Variants in TTLL1 observed in about 807,000 individuals in gnomAD.
The protein encoded by TTLL1 is polyglutamylase complex subunit TTLL1.
In TTLL1, 33 loss-of-function variants were observed where a neutral mutation model predicts 47.8. That is an observed-to-expected ratio of 0.69 (90% confidence interval 0.52 to 0.92). The LOEUF is 0.92. TTLL1 is among the 40% of genes least tolerant of loss of function. TTLL1 has a pLI of 0.00. For synonymous variants in TTLL1, 225 were observed against 214.1 expected, an observed-to-expected ratio of 1.05 and a Z score of -0.45; for missense variants, 488 against 547.5, an observed-to-expected ratio of 0.89 and a Z score of 1.08.
chr22:43,069,115 G>A (rs1386143563), intron 4 of TTLL1, among the ~76,000 whole-genome samples: 4 of 150,470 alleles, frequency 2.7e-5, no homozygotes, highest in South Asian at 2.1e-4. Flanking sequence ...GGTGGCTCAC[G>A]TCTATAATCC....
chr22:43,043,032 T>A (rs899875312), intron 10 of TTLL1, among the ~76,000 whole-genome samples: 3 of 149,924 alleles, frequency 2.0e-5, no homozygotes, highest in Non-Finnish European at 3.0e-5. Flanking sequence ...CTCCGCCTCC[T>A]GGGTTCAAGC....
At chr22:43,058,215 A>G (rs1193016291) in intron 8 of TTLL1, among the ~76,000 whole-genome samples, 1 of 152,116 alleles carries the variant, frequency 6.6e-6, no homozygotes, top group Non-Finnish European at 1.5e-5. Context: ...AAGTGCTGGG[A>G]TTACAGGTGT....
chr22:43,058,901 C>T (rs983577955), intron 8 of TTLL1, among the ~76,000 whole-genome samples: 2 of 152,050 alleles, frequency 1.3e-5, no homozygotes, highest in Non-Finnish European at 2.9e-5. Context: ...TCACCGTGTC[C>T]AGGCTGGTCT....
rs563979087 is a variant in TTLL1 at position 43,044,160 on chromosome 22, G to A, written c.1142+2250C>T. ...CCCCGCTGCCCTCTGTCTTGCCATC[G>A]CAAGCTCCCAATCCTGGTCCCTCCC... On this transcript the variant is annotated intron_variant, in intron 10 of 10. Coordinates refer to ENST00000266254, the MANE Select transcript of TTLL1 (RefSeq NM_012263.5). 5.3e-4 allele frequency among the ~76,000 whole-genome samples: 80 copies of A among 150,746 alleles called. 1 individual carries two copies. The highest frequency in any genetic ancestry group is 2.2e-4 in the African/African-American group (9 of 40,888).
chr22:43,074,668 C>G (rs1273153009), intron 3 of TTLL1, among the ~76,000 whole-genome samples: 3 of 152,072 alleles, frequency 2.0e-5, no homozygotes, highest in African/African-American at 7.2e-5. Context: ...TGGGAAGACT[C>G]TGCCTCTGAA....
At chr22:43,068,368 A>T (rs891223546) in intron 5 of TTLL1, 42 bp downstream of exon 5, 1 of 1,431,022 alleles carries the variant, frequency 7.0e-7, no homozygotes, top group African/African-American at 1.4e-5. Flanking sequence ...AAAACGGTGA[A>T]CTGGGACCTG....
chr22:43,064,015 G>T, intron 6 of TTLL1, 94 bp from the exon 7 acceptor site: 1 of 1,494,340 alleles, frequency 6.7e-7, no homozygotes, highest in Non-Finnish European at 9.3e-7. Context: ...TTGTGTGTGT[G>T]ATTTACACGA....
chr22:43,061,796 G>A lies in TTLL1; in HGVS notation c.747+2017C>T, dbSNP rs147718990. Among the ~76,000 whole-genome samples the A allele has an allele frequency of 2.4e-3, 358 of 152,194 alleles. 3 individuals carry two copies. Among genetic ancestry groups the A allele is most frequent in the African/African-American group, 8.0e-3 (333 of 41,530 alleles). On this transcript the variant is annotated intron_variant, in intron 7 of 10. Coordinates refer to ENST00000266254, the MANE Select transcript of TTLL1 (RefSeq NM_012263.5). ...ATGCTCCCTCTGGCAACAGGGCCTC[G>A]GCACACGTTGTACCTACTACTATGG...
At chr22:43,056,505 G>A (rs1221377497) in intron 8 of TTLL1, among the ~76,000 whole-genome samples, 4 of 142,396 alleles carry the variant, frequency 2.8e-5, no homozygotes, top group African/African-American at 7.9e-5. Context: ...AGGGCTGGCC[G>A]GGTGCAGTAG....
At chr22:43,064,435 AAG>A in intron 5 of TTLL1, 111 bp from the exon 6 acceptor site, 6 of 1,352,398 alleles carry the variant, frequency 4.4e-6, no homozygotes, top group Non-Finnish European at 5.9e-6. Context: ...TAAAAAATTA[AAG>A]AGTTTTGGCT....
chr22:43,054,612 T>G (rs1041974977), intron 8 of TTLL1, among the ~76,000 whole-genome samples: 2 of 151,540 alleles, frequency 1.3e-5, no homozygotes, highest in African/African-American at 4.9e-5. Flanking sequence ...TTAGTAGAGA[T>G]AGGATTTCAC....
At chr22:43,068,348 C>T (rs918814850) in intron 5 of TTLL1, 62 bp downstream of exon 5, 5 of 1,345,160 alleles carry the variant, frequency 3.7e-6, no homozygotes, top group South Asian at 2.1e-5. Flanking sequence ...ACAAAGACTG[C>T]GAACAGCATA....
At chr22:43,044,078 C>T (rs540561358) in intron 10 of TTLL1, among the ~76,000 whole-genome samples, 4 of 152,156 alleles carry the variant, frequency 2.6e-5, no homozygotes, top group African/African-American at 9.6e-5. Flanking sequence ...CCCTAGTGCC[C>T]GACTCCAACA....
intron 2 of TTLL1, among the ~76,000 whole-genome samples, chr22:43,078,428 G>A (rs957962530): frequency 3.3e-5 from 5 of 152,202 alleles, no homozygotes; most frequent in East Asian, 1.9e-4. Flanking sequence ...CCCGAGAGGC[G>A]GAGGTCACAG....
intron 7 of TTLL1, 88 bp downstream of exon 7, chr22:43,063,725 C>A: frequency 7.7e-7 from 1 of 1,296,692 alleles, no homozygotes; most frequent in Non-Finnish European, 1.1e-6. Context: ...CTCAGCCTCC[C>A]AAAGTGCCGG....
At chr22:43,041,403 C>A (rs1325633576) in intron 10 of TTLL1, 1 of 152,070 alleles carries the variant, frequency 6.6e-6, no homozygotes, top group Non-Finnish European at 1.5e-5. Context: ...ATTACCAAAA[C>A]CAGAGTTTGC....
intron 9 of TTLL1, among the ~76,000 whole-genome samples, chr22:43,047,798 C>T (rs1926261464): frequency 6.6e-6 from 1 of 151,972 alleles, no homozygotes; most frequent in Non-Finnish European, 1.5e-5. Context: ...ATATTTTAGG[C>T]ACTGTTCTAA....
intron 3 of TTLL1, among the ~76,000 whole-genome samples, chr22:43,074,405 T>C (rs372605461): frequency 2.1e-4 from 26 of 123,182 alleles, no homozygotes; most frequent in East Asian, 1.1e-3. Flanking sequence ...CCAGTCTGGG[T>C]GACAGGAGCG....
At chr22:43,040,596 C>A (rs1379717312) in intron 10 of TTLL1, among the ~76,000 whole-genome samples, 2 of 152,180 alleles carry the variant, frequency 1.3e-5, no homozygotes, top group African/African-American at 2.4e-5. Context: ...TAGGTGCCCA[C>A]CACCACACCC....
Sources: gnomAD v4.1 joint callset for allele counts (sites outside exome capture counted in the v4.1 genomes callset) on GRCh38, gnomAD v4.1.1 for gene constraint, MANE v1.5 for transcripts, NCBI Gene and HGNC (gene_info 2026-07-23, HGNC 2026-07-21) for gene names.